CCDC30: variants seen among roughly 807,000 people sequenced by gnomAD.
CCDC30 encodes coiled-coil domain containing 30, also known as coiled-coil domain-containing protein 30.
A neutral mutation model predicts 100.2 loss-of-function variants in CCDC30; 70 were observed. The observed-to-expected ratio is 0.70, with a 90% confidence interval of 0.58 to 0.85. CCDC30 has a LOEUF of 0.85. Ranked by LOEUF, CCDC30 falls within the 40% of genes least tolerant of loss-of-function variation. CCDC30 has a pLI of 0.00. For synonymous variants in CCDC30, 233 were observed against 269.5 expected (o/e 0.86, Z 1.33); for missense variants, 652 against 771.2 (o/e 0.85, Z 1.83).
At chr1:42,641,336 C>A (rs1290218457) in intron 12 of CCDC30, among the ~76,000 whole-genome samples, 1 of 151,382 alleles carries the variant, frequency 6.6e-6, no homozygotes, top group African/African-American at 2.4e-5. Flanking sequence ...CTTTGGCCTC[C>A]CAGAGTGCTG....
chr1:42,562,118 A>G (rs911825991), intron 6 of CCDC30, among the ~76,000 whole-genome samples: 19 of 152,244 alleles, frequency 1.2e-4, no homozygotes, highest in Non-Finnish European at 2.1e-4. Context: ...TAAATTTCAT[A>G]TGGAATCAAA....
chr1:42,610,365 C>T (rs77273331), intron 10 of CCDC30, among the ~76,000 whole-genome samples: 6,459 of 152,190 alleles, frequency 0.042, 442 homozygotes, highest in African/African-American at 0.14. Context: ...AGTTAATTAA[C>T]TGAAGAGAAC....
chr1:42,535,709 T>TA (rs1553190480), intron 6 of CCDC30, among the ~76,000 whole-genome samples: 2 of 86,052 alleles, frequency 2.3e-5, no homozygotes, highest in African/African-American at 9.3e-5. Flanking sequence ...TATATATATA[T>TA]TATATATATA....
At chr1:42,572,147 C>T (rs1280004338) in intron 7 of CCDC30, among the ~76,000 whole-genome samples, 1 of 152,130 alleles carries the variant, frequency 6.6e-6, no homozygotes, top group Non-Finnish European at 1.5e-5. Context: ...CTGAAGGTTC[C>T]CATTGCTCTA....
At chr1:42,630,718 A>G (rs1647022473) in intron 11 of CCDC30, among the ~76,000 whole-genome samples, 1 of 152,034 alleles carries the variant, frequency 6.6e-6, no homozygotes, top group Non-Finnish European at 1.5e-5. Flanking sequence ...CAAGTTTACT[A>G]ATTCTTCTGC....
upstream of CCDC30, among the ~76,000 whole-genome samples, chr1:42,462,609 A>C (rs1643440986): frequency 1.3e-5 from 2 of 152,266 alleles, no homozygotes; most frequent in Non-Finnish European, 2.9e-5. Context: ...AAACATGACT[A>C]AAATCGAGTT....
Position 42,651,082 on chromosome 1 carries a change from G to T in CCDC30, c.1855-2294G>T, listed in dbSNP as rs566188404. On this transcript the variant is annotated intron_variant, in intron 15 of 16. Transcript: ENST00000668663. Reference sequence around the variant, plus strand: ...CACATTAAAAAATCAACTCCAAATGGATTAAAGACTTAAAGACAAGACCTG... The same window carrying T: ...CACATTAAAAAATCAACTCCAAATGTATTAAAGACTTAAAGACAAGACCTG... Among the ~76,000 whole-genome samples the T allele has an allele frequency of 4.6e-5, 7 of 152,238 alleles. No homozygotes were observed. The South Asian group carries it at 8.3e-4, about 18-fold the overall frequency.
chr1:42,500,424 T>A, intron 6 of CCDC30: 1 of 870,984 alleles, frequency 1.1e-6, no homozygotes, highest in South Asian at 1.4e-5. Context: ...TCTCTCTTTT[T>A]TTTTTTTGAG....
chr1:42,548,174 G>A (rs562758890), intron 6 of CCDC30, among the ~76,000 whole-genome samples: 1 of 152,332 alleles, frequency 6.6e-6, no homozygotes, highest in Non-Finnish European at 1.5e-5. Context: ...GCCTGATCAT[G>A]AAGGGACACG....
intron 10 of CCDC30, among the ~76,000 whole-genome samples, chr1:42,604,236 C>T (rs1646461778): frequency 6.6e-6 from 1 of 152,146 alleles, no homozygotes; most frequent in Admixed American, 6.5e-5. Context: ...ATAATAATGC[C>T]AGCAAAGAAT....
chr1:42,502,282 G>A (rs560290987), intron 6 of CCDC30, among the ~76,000 whole-genome samples: 70 of 152,328 alleles, frequency 4.6e-4, no homozygotes, highest in African/African-American at 1.3e-3. Flanking sequence ...CGAGCCATGC[G>A]TGGGATATAA....
intron 8 of CCDC30, chr1:42,581,041 T>C (rs539755563): frequency 8.1e-6 from 3 of 372,360 alleles, no homozygotes; most frequent in Admixed American, 7.4e-5. Flanking sequence ...GGTTTTACCA[T>C]GTTGCCCAGG....
chr1:42,582,919 G>A (rs549354678), intron 9 of CCDC30, among the ~76,000 whole-genome samples: 3 of 152,182 alleles, frequency 2.0e-5, no homozygotes, highest in East Asian at 1.9e-4. Context: ...TAATCTGAAT[G>A]CAACAGTTTT....
At chr1:42,610,598 AT>A (rs1399210278) in intron 10 of CCDC30, among the ~76,000 whole-genome samples, 7 of 151,822 alleles carry the variant, frequency 4.6e-5, no homozygotes, top group Non-Finnish European at 8.8e-5. Context: ...AAATTTTTAT[AT>A]TTTTTTGTAG....
chr1:42,457,216 A>G, the CCDC30 span: 1 of 1,613,456 alleles, frequency 6.2e-7, no homozygotes, highest in Non-Finnish European at 8.5e-7. Context: ...TACCTCGCCG[A>G]TTTGTTAACA....
At chr1:42,473,744 G>T (rs1349312013) in intron 1 of CCDC30, among the ~76,000 whole-genome samples, 2 of 152,174 alleles carry the variant, frequency 1.3e-5, no homozygotes, top group Non-Finnish European at 2.9e-5. Flanking sequence ...ATTGCCAGAG[G>T]AACTAAACAT....
chr1:42,500,413 T>C (rs1644292851), intron 6 of CCDC30: 2 of 934,280 alleles, frequency 2.1e-6, no homozygotes, highest in East Asian at 4.9e-5. Flanking sequence ...CACCACCGAG[T>C]TCTCTCTTTT....
intron 9 of CCDC30, among the ~76,000 whole-genome samples, chr1:42,585,556 AT>A (rs942326003): frequency 1.3e-5 from 2 of 151,580 alleles, no homozygotes; most frequent in African/African-American, 4.8e-5. Context: ...TAATACTCTC[AT>A]TTTTACTATT....
chr1:42,655,835 C>A (rs567393136), downstream of CCDC30, among the ~76,000 whole-genome samples: 17 of 148,140 alleles, frequency 1.1e-4, no homozygotes, highest in Non-Finnish European at 2.1e-4. Context: ...ATAAATTAAA[C>A]GTTCTCTTGT....
Sources: gnomAD v4.1 joint callset for allele counts (sites outside exome capture counted in the v4.1 genomes callset) on GRCh38, gnomAD v4.1.1 for gene constraint, MANE v1.5 for transcripts, NCBI Gene and HGNC (gene_info 2026-07-23, HGNC 2026-07-21) for gene names.